Variants in SPTA1 observed in about 807,000 individuals in gnomAD.
SPTA1 encodes the protein spectrin alpha, erythrocytic 1, also known as spectrin alpha chain, erythrocytic 1.
SPTA1 carries 177 observed loss-of-function variants against 324.7 expected under a neutral mutation model. That is an observed-to-expected ratio of 0.55 (90% confidence interval 0.48 to 0.62). The LOEUF (loss-of-function observed/expected upper bound fraction) is 0.62. SPTA1 is among the 20% of genes least tolerant of loss of function. SPTA1 has a pLI of 0.00. For synonymous variants in SPTA1, 1,195 were observed against 1,041.3 expected (o/e 1.15, Z -2.84); for missense variants, 3,162 against 2,883.6 (o/e 1.10, Z -2.21).
rs753805306 is a variant in SPTA1, at chr1:158,652,361, G to A, written c.3375+106C>T. On this transcript the variant is annotated intron_variant, in intron 23 of 51. Transcript: ENST00000643759. ...AGCCACAGAGTTGCCAATAGCTTTG[G>A]GGAGAATATTTAACAAGTGTGAAAT... 5.3e-4 allele frequency: 696 copies of A among 1,308,540 alleles called. 3 individuals carry two copies. Among genetic ancestry groups the A allele is most frequent in the Middle Eastern group, 1.1e-3 (6 of 5,470 alleles). 81.1% of individuals were successfully genotyped at this position (1,308,540 alleles called of 1,614,324 possible). A position where few individuals can be genotyped will look rare whatever the true frequency, so the allele number is the denominator to read the frequency against.
chr1:158,641,250 C>T (rs926511875), intron 33 of SPTA1, among the ~76,000 whole-genome samples: 1 of 152,028 alleles, frequency 6.6e-6, no homozygotes. Flanking sequence ...TAGGCATGGG[C>T]AAGGACTTCA....
intron 21 of SPTA1, 138 bp from the exon 22 acceptor site, chr1:158,653,563 T>A: frequency 8.8e-7 from 1 of 1,139,894 alleles, no homozygotes; most frequent in Non-Finnish European, 1.3e-6. Context: ...GAGTGGCACA[T>A]AATTTTCATA....
chr1:158,647,992 G>A (rs1652126173), intron 26 of SPTA1, among the ~76,000 whole-genome samples: 2 of 152,086 alleles, frequency 1.3e-5, no homozygotes, highest in Non-Finnish European at 2.9e-5. Context: ...CCTCAATTAG[G>A]AAACCCAAGG....
intron 30 of SPTA1, among the ~76,000 whole-genome samples, chr1:158,643,638 T>C (rs1160324292): frequency 6.6e-6 from 1 of 152,176 alleles, no homozygotes; most frequent in Non-Finnish European, 1.5e-5. Context: ...CAGAGTTCCC[T>C]AAAGAACAGA....
intron 33 of SPTA1, among the ~76,000 whole-genome samples, chr1:158,641,993 G>C (rs574675841): frequency 4.6e-5 from 7 of 152,252 alleles, no homozygotes; most frequent in Non-Finnish European, 1.0e-4. Flanking sequence ...AAAATGATGA[G>C]TTCATGTCCT....
chr1:158,646,912 G>A (rs995111473), intron 27 of SPTA1, among the ~76,000 whole-genome samples: 9 of 152,124 alleles, frequency 5.9e-5, no homozygotes, highest in Non-Finnish European at 1.3e-4. Context: ...GTGAATTTTG[G>A]ATTGTGATAA....
At chr1:158,618,429 G>A (rs536857707) in intron 45 of SPTA1, among the ~76,000 whole-genome samples, 58 of 152,258 alleles carry the variant, frequency 3.8e-4, no homozygotes, top group African/African-American at 1.3e-3. Context: ...TTCATTTATC[G>A]TTGTCAGTGA....
Position 158,683,451 on chromosome 1 carries a change from T to C in SPTA1, c.310A>G (p.Lys104Glu). 6.2e-7 allele frequency: 1 copy of C among 1,613,394 alleles called. No homozygotes were observed. The highest frequency in any genetic ancestry group is 8.5e-7 in the Non-Finnish European group (1 of 1,179,524). ...HQSLEAEVQTKSRLMSELEKT... is the reference protein window; with the variant it reads ...HQSLEAEVQTESRLMSELEKT... ...TCCAGTTCAGACATGAGTCTTGATT[T>C]TGTTTGCACCTCTGCTTCAAGGGAT... is the stretch of plus-strand genomic sequence containing the variant. Residue 104 changes from lysine to glutamate, a missense_variant, in exon 3 of 52, where the codon AAA (lysine) becomes GAA (glutamate). Transcript: ENST00000643759.
intron 47 of SPTA1, 86 bp downstream of exon 47, chr1:158,617,451 T>C (rs1407584306): frequency 9.1e-7 from 1 of 1,101,124 alleles, no homozygotes; most frequent in African/African-American, 1.5e-5. Context: ...TACCTAAAAG[T>C]ATCACCTGGG....
At chr1:158,633,652 C>T (rs1650842272) in intron 39 of SPTA1, among the ~76,000 whole-genome samples, 1 of 135,250 alleles carries the variant, frequency 7.4e-6, no homozygotes. Flanking sequence ...CAGAGTGAGA[C>T]TCTGTCTCGA....
intron 39 of SPTA1, among the ~76,000 whole-genome samples, chr1:158,629,118 AATAG>A (rs1013265283): frequency 2.1e-5 from 3 of 145,798 alleles, no homozygotes; most frequent in Non-Finnish European, 3.0e-5. Context: ...TAATTCTCTC[AATAG>A]ATAGATAGAT....
chr1:158,611,718 C>A, intron 51 of SPTA1: 1 of 279,576 alleles, frequency 3.6e-6, no homozygotes, highest in South Asian at 3.7e-5. Context: ...TTCCTGGCTG[C>A]TTTGAGATGT....
rs750150735 is a variant in SPTA1, at chr1:158,676,287, C to T, written c.966G>A (p.Glu322=). The T allele has an allele frequency of 7.4e-6, 12 of 1,613,422 alleles. No individual in the cohort carries two copies. The highest frequency in any genetic ancestry group is 8.5e-6 in the Non-Finnish European group (10 of 1,179,656). ...TCAGCTTCTCTGCTTTAGCACATAA[C>T]TCCTTCACCTTTGGGATGAAAAAGA... ...NLAVMSDKVK[E]LCAKAEKLTL... is the part of the protein sequence containing the mutation. Residue 322 remains glutamate (E), a synonymous_variant, in exon 8 of 52, where the codon GAG becomes GAA. Transcript: ENST00000643759.
chr1:158,639,737 G>A lies in SPTA1; in HGVS notation c.4876-51C>T, dbSNP rs370505905. ...AGCTGCCAGGTGAAACTGCCTTTAA[G>A]GAGAATAAGATCAGCAGCTATGTCC... On this transcript the variant is annotated intron_variant, in intron 34 of 51. Coordinates refer to ENST00000643759, the MANE Select transcript of SPTA1 (RefSeq NM_003126.4). 3.7e-6 allele frequency: 6 copies of A among 1,612,178 alleles called. No individual in the cohort carries two copies. In the African/African-American group the frequency reaches 6.7e-5, roughly 18 times the overall value.
intron 7 of SPTA1, among the ~76,000 whole-genome samples, chr1:158,676,798 GC>G (rs780719889): frequency 1.3e-5 from 2 of 152,102 alleles, no homozygotes; most frequent in Non-Finnish European, 2.9e-5. Context: ...GGTTACTAGG[GC>G]AAAATGTGGA....
At chr1:158,627,518 C>A in intron 40 of SPTA1, 107 bp downstream of exon 40, 1 of 1,074,252 alleles carries the variant, frequency 9.3e-7, no homozygotes, top group East Asian at 2.4e-5. Flanking sequence ...TAAAGTTCTG[C>A]ATATGATCTT....
intron 3 of SPTA1, 141 bp downstream of exon 3, chr1:158,683,230 A>T: frequency 8.7e-7 from 1 of 1,152,792 alleles, no homozygotes; most frequent in Non-Finnish European, 1.3e-6. Context: ...ATCATTTTTT[A>T]TGCCTCAACC....
intron 51 of SPTA1, 132 bp from the exon 52 acceptor site, chr1:158,611,521 A>C (rs1649260882): frequency 3.1e-6 from 3 of 958,988 alleles, no homozygotes; most frequent in Non-Finnish European, 3.1e-6. Flanking sequence ...TTTCTATTAC[A>C]CACAATTTTT....
At chr1:158,638,367 G>C in intron 35 of SPTA1, 126 bp from the exon 36 acceptor site, 2 of 944,796 alleles carry the variant, frequency 2.1e-6, no homozygotes, top group Non-Finnish European at 3.3e-6. Context: ...CATGGAGTTT[G>C]ATTATGTGTT....
Sources: gnomAD v4.1 joint callset for allele counts (sites outside exome capture counted in the v4.1 genomes callset) on GRCh38, gnomAD v4.1.1 for gene constraint, MANE v1.5 for transcripts, NCBI Gene and HGNC (gene_info 2026-07-23, HGNC 2026-07-21) for gene names.